The following FAF1 variants were observed in gnomAD, a reference collection of about 807,000 sequenced individuals.
FAF1 encodes the protein Fas associated factor 1, also known as FAS-associated factor 1.
A neutral mutation model predicts 92.5 loss-of-function variants in FAF1; 25 were observed. That is an observed-to-expected ratio of 0.27 (90% CI 0.20 to 0.38). The LOEUF (loss-of-function observed/expected upper bound fraction) is 0.38. FAF1 is among the 10% of genes least tolerant of loss of function. FAF1 has a pLI of 1.00. For missense variants in FAF1, 636 were observed against 793.3 expected, an observed-to-expected ratio of 0.80 and a Z score of 2.38; for synonymous variants, 234 against 273.2, an observed-to-expected ratio of 0.86 and a Z score of 1.42.
intron 18 of FAF1, among the ~76,000 whole-genome samples, chr1:50,454,703 T>C (rs1211251406): frequency 6.6e-6 from 1 of 152,234 alleles, no homozygotes; most frequent in East Asian, 1.9e-4. Flanking sequence ...ACCCTGTCTT[T>C]TGCTAAAACA....
chr1:50,588,460 GT>G (rs1651345222), intron 9 of FAF1, among the ~76,000 whole-genome samples: 1 of 152,150 alleles, frequency 6.6e-6, no homozygotes, highest in African/African-American at 2.4e-5. Context: ...TGATGAAAAA[GT>G]TACCTCTTCC....
intron 1 of FAF1, among the ~76,000 whole-genome samples, chr1:50,890,022 G>A (rs1349076930): frequency 1.3e-5 from 2 of 152,148 alleles, no homozygotes; most frequent in Non-Finnish European, 2.9e-5. Flanking sequence ...AGGTCTCTAA[G>A]GACTTGCTTT....
chr1:50,806,642 G>A (rs746656593), intron 2 of FAF1, among the ~76,000 whole-genome samples: 1 of 152,190 alleles, frequency 6.6e-6, no homozygotes, highest in Non-Finnish European at 1.5e-5. Context: ...CATGGCCAGA[G>A]GATTGGGAAC....
At chr1:50,959,469 T>G (rs2124771471) in intron 1 of FAF1, among the ~76,000 whole-genome samples, 5 of 152,030 alleles carry the variant, frequency 3.3e-5, no homozygotes, top group Admixed American at 3.3e-4. Context: ...AAACAAAAAC[T>G]CTACACGTCC....
intron 1 of FAF1, among the ~76,000 whole-genome samples, chr1:50,920,943 A>C (rs531293119): frequency 6.6e-6 from 1 of 152,200 alleles, no homozygotes; most frequent in African/African-American, 2.4e-5. Flanking sequence ...AGTAAGAAAA[A>C]GAAAGAAAAA....
Position 50,478,049 on chromosome 1 carries a change from G to A in FAF1, c.1654-2370C>T, listed in dbSNP as rs542701730. 3.9e-5 allele frequency among the ~76,000 whole-genome samples: 6 copies of A among 152,162 alleles called. No homozygotes were observed. The East Asian group carries it at 1.2e-3, about 29-fold the overall frequency. On this transcript the variant is annotated intron_variant, in intron 17 of 18. Transcript: ENST00000396153. Reference sequence around the variant, plus strand: ...AACTGTTCAGATTAATTTTCCACATGTGTCCCTTAAAGGGAAACCATGAGT... The same window carrying A: ...AACTGTTCAGATTAATTTTCCACATATGTCCCTTAAAGGGAAACCATGAGT...
chr1:50,656,665 T>C (rs1655127039), intron 7 of FAF1, among the ~76,000 whole-genome samples: 1 of 151,902 alleles, frequency 6.6e-6, no homozygotes, highest in African/African-American at 2.4e-5. Flanking sequence ...GGCAGATCAC[T>C]TGAGGTCAGG....
chr1:50,530,127 T>C (rs766449187), intron 15 of FAF1, among the ~76,000 whole-genome samples: 7 of 152,072 alleles, frequency 4.6e-5, no homozygotes, highest in Non-Finnish European at 7.4e-5. Context: ...TTTAAAAATA[T>C]CGTATTTTTG....
chr1:50,486,344 T>C (rs1053298700), intron 17 of FAF1, among the ~76,000 whole-genome samples: 1 of 152,164 alleles, frequency 6.6e-6, no homozygotes, highest in African/African-American at 2.4e-5. Flanking sequence ...AATTCGACTG[T>C]GTTCTAAGTT....
chr1:50,796,054 A>G (rs553023542), intron 3 of FAF1, among the ~76,000 whole-genome samples: 1 of 151,724 alleles, frequency 6.6e-6, no homozygotes, highest in East Asian at 1.9e-4. Context: ...AAAAAACAAC[A>G]ACAACAAAAA....
At chr1:50,772,242 G>A (rs561210645) in intron 4 of FAF1, among the ~76,000 whole-genome samples, 10 of 152,334 alleles carry the variant, frequency 6.6e-5, no homozygotes, top group Admixed American at 3.9e-4. Context: ...CTTATACACT[G>A]TTGGTGGGAA....
chr1:50,751,833 C>T (rs1228470904), intron 4 of FAF1, among the ~76,000 whole-genome samples: 3 of 152,146 alleles, frequency 2.0e-5, no homozygotes, highest in African/African-American at 7.2e-5. Context: ...GTAATGCTAG[C>T]TTCATAAAAT....
At chr1:50,597,564 TTAAA>T (rs1303418239) in intron 8 of FAF1, among the ~76,000 whole-genome samples, 3 of 152,146 alleles carry the variant, frequency 2.0e-5, no homozygotes, top group Admixed American at 1.3e-4. Flanking sequence ...ATGTGTCCAA[TTAAA>T]TAATTTGACA....
At chr1:50,556,344 AG>A (rs1054874163) in intron 13 of FAF1, among the ~76,000 whole-genome samples, 1 of 151,830 alleles carries the variant, frequency 6.6e-6, no homozygotes, top group African/African-American at 2.4e-5. Context: ...ATGGTTATGC[AG>A]GGGCCTATAG....
At chr1:50,619,718 C>T (rs1217893409) in intron 8 of FAF1, among the ~76,000 whole-genome samples, 1 of 152,010 alleles carries the variant, frequency 6.6e-6, no homozygotes, top group Non-Finnish European at 1.5e-5. Flanking sequence ...TGAGTACATG[C>T]CTTGGGGATG....
Position 50,681,461 on chromosome 1 carries a change from T to C in FAF1, c.657+24325A>G, listed in dbSNP as rs533106667. Among the ~76,000 whole-genome samples the C allele has an allele frequency of 6.6e-5, 10 of 152,290 alleles. No homozygotes were observed. The South Asian group carries it at 1.7e-3, about 25-fold the overall frequency. ...AGAATACATATTGGAGCTCTTATTT[T>C]TAAATATCTTCAATAGCTGTGGTAT... On this transcript the variant is annotated intron_variant, in intron 7 of 18. Coordinates refer to ENST00000396153, the MANE Select transcript of FAF1 (RefSeq NM_007051.3).
chr1:50,504,604 T>A (rs1047797988), intron 15 of FAF1, among the ~76,000 whole-genome samples: 1 of 152,172 alleles, frequency 6.6e-6, no homozygotes, highest in Non-Finnish European at 1.5e-5. Flanking sequence ...TTTTCTAGTA[T>A]AGATGAAAGA....
chr1:50,576,683 C>T (rs1650759530), intron 12 of FAF1, among the ~76,000 whole-genome samples: 1 of 144,460 alleles, frequency 6.9e-6, no homozygotes, highest in Non-Finnish European at 1.5e-5. Flanking sequence ...TGTTCTCTTG[C>T]CCAGGCTGGA....
intron 1 of FAF1, among the ~76,000 whole-genome samples, chr1:50,939,746 T>G (rs942930259): frequency 6.6e-6 from 1 of 152,198 alleles, no homozygotes; most frequent in Non-Finnish European, 1.5e-5. Context: ...GATGTTAGAT[T>G]TTATTGAAAG....
Sources: gnomAD v4.1 joint callset for allele counts (sites outside exome capture counted in the v4.1 genomes callset) on GRCh38, gnomAD v4.1.1 for gene constraint, MANE v1.5 for transcripts, NCBI Gene and HGNC (gene_info 2026-07-23, HGNC 2026-07-21) for gene names.